Variants in PDE7B observed in about 807,000 individuals in gnomAD.
PDE7B encodes the protein phosphodiesterase 7B, also known as 3',5'-cyclic-AMP phosphodiesterase 7B.
PDE7B carries 29 observed loss-of-function variants against 56.2 expected under a neutral mutation model. The observed-to-expected ratio is 0.52, with a 90% CI of 0.38 to 0.70. The LOEUF (loss-of-function observed/expected upper bound fraction) is 0.70. PDE7B is among the 30% of genes least tolerant of loss of function. The pLI is 0.00. For missense variants in PDE7B, 490 were observed against 565.0 expected, an observed-to-expected ratio of 0.87 and a Z score of 1.35; for synonymous variants, 197 against 196.9, an observed-to-expected ratio of 1.00 and a Z score of 0.00.
chr6:135,899,822 G>A (rs1775968283), intron 1 of PDE7B, among the ~76,000 whole-genome samples: 1 of 152,038 alleles, frequency 6.6e-6, no homozygotes, highest in Admixed American at 6.5e-5. Context: ...CAAAGTCATT[G>A]CACATATGAT....
chr6:136,157,181 C>T (rs1378042905), intron 8 of PDE7B, among the ~76,000 whole-genome samples: 1 of 152,182 alleles, frequency 6.6e-6, no homozygotes, highest in Non-Finnish European at 1.5e-5. Context: ...TGCCTAAGAA[C>T]TATGCATCCT....
intron 2 of PDE7B, among the ~76,000 whole-genome samples, chr6:136,104,159 T>A (rs1481074128): frequency 6.6e-6 from 1 of 151,776 alleles, no homozygotes; most frequent in Non-Finnish European, 1.5e-5. Flanking sequence ...TGACATGTGA[T>A]GTTGTCAGCC....
At chr6:135,940,633 G>C (rs1249244916) in intron 1 of PDE7B, among the ~76,000 whole-genome samples, 1 of 152,166 alleles carries the variant, frequency 6.6e-6, no homozygotes, top group East Asian at 1.9e-4. Context: ...ATCTGTCTTT[G>C]ATTAGTACCA....
chr6:136,164,582 T>C (rs1778764358), intron 8 of PDE7B, among the ~76,000 whole-genome samples: 2 of 152,220 alleles, frequency 1.3e-5, no homozygotes, highest in Non-Finnish European at 1.5e-5. Context: ...AACATGTGTT[T>C]TGACCAATGA....
In PDE7B at chr6:135,894,618, C is replaced by T. The variant is rs569264534; in HGVS notation, c.21+42599C>T. ...CAATAGCCTCCCACATTCTCTCCAT[C>T]CAAGGCACACATGCCAAATTGCATT... On this transcript the variant is annotated intron_variant, in intron 1 of 12. Transcript: ENST00000308191. 3.9e-5 allele frequency among the ~76,000 whole-genome samples: 6 copies of T among 152,276 alleles called. 1 individual carries two copies. The East Asian group carries it at 7.7e-4, about 20-fold the overall frequency.
intron 1 of PDE7B, among the ~76,000 whole-genome samples, chr6:135,879,165 T>C (rs565694965): frequency 6.6e-6 from 1 of 152,162 alleles, no homozygotes; most frequent in South Asian, 2.1e-4. Context: ...CTCCCATGAA[T>C]TGGATATACC....
intron 2 of PDE7B, chr6:136,037,961 G>A: frequency 8.2e-7 from 1 of 1,218,116 alleles, no homozygotes; most frequent in Non-Finnish European, 1.1e-6. Context: ...GTGCCAGAGA[G>A]AGGAGGGGAA....
At chr6:135,991,630 T>C (rs1775480709) in intron 2 of PDE7B, among the ~76,000 whole-genome samples, 1 of 152,166 alleles carries the variant, frequency 6.6e-6, no homozygotes, top group African/African-American at 2.4e-5. Context: ...TATATGTTAA[T>C]ATTAGGTTAA....
At chr6:136,062,942 C>T (rs1776868404) in intron 2 of PDE7B, among the ~76,000 whole-genome samples, 1 of 152,180 alleles carries the variant, frequency 6.6e-6, no homozygotes. Context: ...ACTGTTAACA[C>T]TGACCCATGT....
chr6:136,179,352 A>T (rs1368222496), intron 10 of PDE7B, among the ~76,000 whole-genome samples: 1 of 152,168 alleles, frequency 6.6e-6, no homozygotes, highest in African/African-American at 2.4e-5. Context: ...AAAAAAACAC[A>T]AAACAACAAC....
At chr6:135,899,438 T>C (rs940027264) in intron 1 of PDE7B, among the ~76,000 whole-genome samples, 1 of 150,646 alleles carries the variant, frequency 6.6e-6, no homozygotes, top group African/African-American at 2.4e-5. Flanking sequence ...AATATAGATA[T>C]AGATATATAT....
chr6:135,854,367 G>T (rs1308070312), intron 1 of PDE7B, among the ~76,000 whole-genome samples: 1 of 152,206 alleles, frequency 6.6e-6, no homozygotes, highest in Non-Finnish European at 1.5e-5. Context: ...CTAAGAGGTA[G>T]TCTAAGTAGT....
chr6:135,928,512 T>C (rs1583777336), intron 1 of PDE7B, among the ~76,000 whole-genome samples: 2 of 130,726 alleles, frequency 1.5e-5, no homozygotes, highest in East Asian at 4.3e-4. Flanking sequence ...TATATATATA[T>C]ATTTATTTAT....
intron 1 of PDE7B, among the ~76,000 whole-genome samples, chr6:135,938,718 G>A (rs767688084): frequency 3.9e-5 from 6 of 152,138 alleles, no homozygotes; most frequent in Non-Finnish European, 8.8e-5. Context: ...AACGTAAGAC[G>A]CAATGACTCT....
intron 2 of PDE7B, chr6:136,064,251 G>A (rs1220507148): frequency 6.6e-6 from 1 of 152,144 alleles, no homozygotes; most frequent in Admixed American, 6.5e-5. Context: ...CAAATGCTTT[G>A]AGAGAAGAAA....
intron 1 of PDE7B, among the ~76,000 whole-genome samples, chr6:135,929,591 T>C (rs1486708321): frequency 6.6e-6 from 1 of 152,192 alleles, no homozygotes; most frequent in Admixed American, 6.5e-5. Flanking sequence ...TTTCCTGTTT[T>C]CTTTTCCTTT....
chr6:135,987,293 A>T (rs1775397922), intron 2 of PDE7B, among the ~76,000 whole-genome samples: 1 of 152,136 alleles, frequency 6.6e-6, no homozygotes, highest in Admixed American at 6.5e-5. Flanking sequence ...GGTTGACAGC[A>T]AGAATAAGGT....
At chr6:135,853,047 G>C (rs115804279) in intron 1 of PDE7B, among the ~76,000 whole-genome samples, 5 of 152,198 alleles carry the variant, frequency 3.3e-5, no homozygotes, top group African/African-American at 1.2e-4. Flanking sequence ...CCAAAGAGTC[G>C]GTTTTTGTAA....
chr6:136,167,739 A>G (rs1041697502), intron 8 of PDE7B, among the ~76,000 whole-genome samples: 3 of 152,194 alleles, frequency 2.0e-5, no homozygotes, highest in Non-Finnish European at 2.9e-5. Flanking sequence ...AGTGCTCAAT[A>G]TATTTGTTGA....
Sources: gnomAD v4.1 joint callset for allele counts (sites outside exome capture counted in the v4.1 genomes callset) on GRCh38, gnomAD v4.1.1 for gene constraint, MANE v1.5 for transcripts, NCBI Gene and HGNC (gene_info 2026-07-23, HGNC 2026-07-21) for gene names.